C8orf34: variants seen among roughly 807,000 people sequenced by gnomAD.
The protein encoded by C8orf34 is chromosome 8 open reading frame 34.
In C8orf34, 65 loss-of-function variants were observed where a neutral mutation model predicts 68.3. That is an observed-to-expected ratio of 0.95 (90% CI 0.78 to 1.17). The LOEUF (loss-of-function observed/expected upper bound fraction) is 1.17. Ranked by LOEUF, C8orf34 falls within the 50% of genes most tolerant of loss-of-function variation. C8orf34 has a pLI of 0.00. For missense variants in C8orf34, 664 were observed against 655.4 expected, an observed-to-expected ratio of 1.01 and a Z score of -0.14; for synonymous variants, 244 against 241.2, an observed-to-expected ratio of 1.01 and a Z score of -0.11.
chr8:68,466,037 A>AT (rs200795762), intron 3 of C8orf34, among the ~76,000 whole-genome samples: 7,065 of 20,446 alleles, frequency 0.35, 242 homozygotes, highest in Middle Eastern at 0.5. Context: ...CTATTTGGTC[A>AT]TTTAAAAAAA....
intron 9 of C8orf34, among the ~76,000 whole-genome samples, chr8:68,710,495 T>A (rs1487935240): frequency 1.3e-5 from 2 of 152,118 alleles, no homozygotes; most frequent in Non-Finnish European, 2.9e-5. Context: ...GGGTGAATCC[T>A]GTGACTGCTG....
intron 1 of C8orf34, among the ~76,000 whole-genome samples, chr8:68,436,581 A>G (rs981025424): frequency 2.6e-5 from 4 of 152,146 alleles, no homozygotes; most frequent in Non-Finnish European, 5.9e-5. Context: ...CTCCCAGGGA[A>G]TCTCATGTCA....
intron 7 of C8orf34, among the ~76,000 whole-genome samples, chr8:68,560,269 G>A (rs73683562): frequency 1.4e-5 from 2 of 147,320 alleles, no homozygotes; most frequent in South Asian, 4.2e-4. Flanking sequence ...AGAAGGAGGA[G>A]TTTTCATTTC....
At chr8:68,814,073 C>T (rs943068269) in intron 12 of C8orf34, among the ~76,000 whole-genome samples, 6 of 152,176 alleles carry the variant, frequency 3.9e-5, no homozygotes, top group African/African-American at 1.2e-4. Context: ...GGTACCCAGA[C>T]ACTTGATTAC....
intron 4 of C8orf34, among the ~76,000 whole-genome samples, chr8:68,471,153 A>G (rs948310834): frequency 1.3e-5 from 2 of 152,128 alleles, no homozygotes; most frequent in Admixed American, 6.6e-5. Context: ...TCCTATAGAT[A>G]TAGTAGAAGG....
rs867875932 is a variant in C8orf34, at chr8:68,406,886, T to G, written c.328-32613T>G. Among the ~76,000 whole-genome samples, 15 of 152,216 alleles carry G rather than the reference T, an allele frequency of 9.9e-5. No individual in the cohort carries two copies. In the Middle Eastern group the frequency reaches 0.017, roughly 173 times the overall value. The stretch of plus-strand genomic sequence containing the variant: ...TATCTTGAGTAAACTGAAGCACAGG[T>G]GATGCTGTGAGAGCCTCTTATTACT... On this transcript the variant is annotated intron_variant, in intron 1 of 13. Transcript: ENST00000518698.
intron 7 of C8orf34, among the ~76,000 whole-genome samples, chr8:68,576,010 T>G (rs1190864261): frequency 1.3e-5 from 2 of 149,952 alleles, no homozygotes; most frequent in Admixed American, 6.7e-5. Context: ...AATACAATTG[T>G]GTTATTTGGA....
intron 6 of C8orf34, among the ~76,000 whole-genome samples, chr8:68,524,549 C>A (rs1814896702): frequency 6.6e-6 from 1 of 152,076 alleles, no homozygotes; most frequent in South Asian, 2.1e-4. Context: ...GAAATTAAAG[C>A]ATTTGAGTAA....
At chr8:68,645,270 C>T (rs1819132864) in intron 8 of C8orf34, among the ~76,000 whole-genome samples, 1 of 152,088 alleles carries the variant, frequency 6.6e-6, no homozygotes, top group Non-Finnish European at 1.5e-5. Context: ...AGTGGGAAGG[C>T]TGGATACAAT....
chr8:68,816,488 C>T (rs1349709983), intron 13 of C8orf34, among the ~76,000 whole-genome samples: 1 of 152,076 alleles, frequency 6.6e-6, no homozygotes, highest in Non-Finnish European at 1.5e-5. Flanking sequence ...TTGTCCTTAC[C>T]ACTTATAGAA....
Position 68,512,806 on chromosome 8 carries a change from A to C in C8orf34, c.766-8993A>C, listed in dbSNP as rs570701732. On this transcript the variant is annotated intron_variant, in intron 5 of 13. Coordinates refer to ENST00000518698, the MANE Select transcript of C8orf34 (RefSeq NM_052958.4). ...TTACCAAAAAAAAAAAAAACCACCA[A>C]CAACAAATTTTACTGTTCTTACACA... Among the ~76,000 whole-genome samples, 39 of 151,116 alleles carry C rather than the reference A, an allele frequency of 2.6e-4. No individual in the cohort carries two copies. The South Asian group carries it at 6.9e-3, about 27-fold the overall frequency.
At chr8:68,549,921 C>T (rs1004205450) in intron 7 of C8orf34, among the ~76,000 whole-genome samples, 3 of 151,694 alleles carry the variant, frequency 2.0e-5, no homozygotes, top group Non-Finnish European at 4.4e-5. Flanking sequence ...GCTACTTCAT[C>T]TCTCTTGATT....
chr8:68,570,553 A>T (rs1563536519), intron 7 of C8orf34, among the ~76,000 whole-genome samples: 1 of 152,214 alleles, frequency 6.6e-6, no homozygotes, highest in Admixed American at 6.5e-5. Context: ...CCCCTATCTA[A>T]TTTCTACAAA....
At chr8:68,449,468 CT>C (rs1466751627) in intron 3 of C8orf34, among the ~76,000 whole-genome samples, 2 of 152,016 alleles carry the variant, frequency 1.3e-5, no homozygotes, top group Non-Finnish European at 2.9e-5. Context: ...TGGCAACCTG[CT>C]TTTTGTCTCT....
chr8:68,446,247 T>C lies in C8orf34; in HGVS notation c.476-82T>C, dbSNP rs1399846606. ...GGTGACCTATATGTTTTGTCAAGTA[T>C]ATTTAATGACTTCGTGGACTTGGTT... is the stretch of plus-strand genomic sequence containing the variant. On this transcript the variant is annotated intron_variant, in intron 2 of 13. Transcript: ENST00000518698. 5.1e-6 allele frequency: 6 copies of C among 1,172,032 alleles called. No individual in the cohort carries two copies. In the South Asian group the frequency reaches 7.8e-5, roughly 15 times the overall value. The allele number at this position is 1,172,032 out of a possible 1,614,324, so 72.6% of individuals were successfully genotyped here. A position where few individuals can be genotyped will look rare whatever the true frequency, so the allele number is the denominator to read the frequency against.
intron 1 of C8orf34, among the ~76,000 whole-genome samples, chr8:68,384,784 T>C (rs1404471028): frequency 6.6e-6 from 1 of 152,216 alleles, no homozygotes; most frequent in Non-Finnish European, 1.5e-5. Context: ...ACTCTGCATA[T>C]ATTTTGAAAG....
chr8:68,515,458 T>C (rs1256515733), intron 5 of C8orf34, among the ~76,000 whole-genome samples: 2 of 152,034 alleles, frequency 1.3e-5, no homozygotes, highest in African/African-American at 2.4e-5. Context: ...AAGATTGGCC[T>C]GTGTTTCATA....
intron 6 of C8orf34, chr8:68,530,709 A>G (rs1381130811): frequency 1.4e-6 from 1 of 721,882 alleles, no homozygotes; most frequent in African/African-American, 1.9e-5. Context: ...TTCCACTATT[A>G]AAGAGTAAAC....
intron 4 of C8orf34, among the ~76,000 whole-genome samples, chr8:68,477,933 G>T: frequency 6.6e-6 from 1 of 152,002 alleles, no homozygotes; most frequent in Admixed American, 6.6e-5. Context: ...GCACAGAGCA[G>T]CAGGGACCAT....
Sources: gnomAD v4.1 joint callset for allele counts (sites outside exome capture counted in the v4.1 genomes callset) on GRCh38, gnomAD v4.1.1 for gene constraint, MANE v1.5 for transcripts, NCBI Gene and HGNC (gene_info 2026-07-23, HGNC 2026-07-21) for gene names.